The following RBFOX1 variants were observed in gnomAD, a reference collection of about 807,000 sequenced individuals.
RBFOX1 encodes RNA binding protein fox-1 homolog 1.
In RBFOX1, 8 loss-of-function variants were observed where a neutral mutation model predicts 57.7. The observed-to-expected ratio is 0.14, with a 90% CI of 0.08 to 0.25. RBFOX1 has a LOEUF of 0.25. RBFOX1 is among the 10% of genes least tolerant of loss of function. The pLI, the probability that RBFOX1 is intolerant of heterozygous loss-of-function variation, is 1.00. For missense variants in RBFOX1, 611 were observed against 548.5 expected, an observed-to-expected ratio of 1.11 and a Z score of -1.14; for synonymous variants, 326 against 222.4, an observed-to-expected ratio of 1.47 and a Z score of -4.15.
chr16:6,886,398 G>C (rs565164321), intron 3 of RBFOX1, among the ~76,000 whole-genome samples: 2 of 152,110 alleles, frequency 1.3e-5, no homozygotes, highest in Admixed American at 1.3e-4. Context: ...CCATTGAGAA[G>C]AAAGGTTACC....
intron 3 of RBFOX1, among the ~76,000 whole-genome samples, chr16:6,999,209 T>A (rs1309293300): frequency 3.1e-5 from 3 of 95,882 alleles, no homozygotes; most frequent in African/African-American, 4.5e-5. Context: ...ATTTTTTATT[T>A]TTATTTATTT....
chr16:5,797,490 C>G (rs2054917876), intron 3 of RBFOX1, among the ~76,000 whole-genome samples: 1 of 152,196 alleles, frequency 6.6e-6, no homozygotes, highest in Admixed American at 6.5e-5. Context: ...GACCCTTAGA[C>G]AGATGGCTCC....
chr16:6,266,282 C>G (rs1352864863), intron 1 of RBFOX1, among the ~76,000 whole-genome samples: 1 of 152,200 alleles, frequency 6.6e-6, no homozygotes, highest in Non-Finnish European at 1.5e-5. Flanking sequence ...CTGCTGCAAG[C>G]TACCAAAAGT....
At chr16:7,631,772 A>G (rs960939308) in intron 11 of RBFOX1, among the ~76,000 whole-genome samples, 1 of 152,120 alleles carries the variant, frequency 6.6e-6, no homozygotes, top group African/African-American at 2.4e-5. Flanking sequence ...CGTTTCCTAA[A>G]TTGTGAAGCT....
At chr16:5,765,705 G>A (rs1009140642) in intron 3 of RBFOX1, among the ~76,000 whole-genome samples, 1 of 152,184 alleles carries the variant, frequency 6.6e-6, no homozygotes, top group Non-Finnish European at 1.5e-5. Flanking sequence ...GAGAAAGGAC[G>A]CCTTGTGTTT....
chr16:5,481,635 C>T (rs547597742), intron 2 of RBFOX1, among the ~76,000 whole-genome samples: 1 of 152,208 alleles, frequency 6.6e-6, no homozygotes, highest in Non-Finnish European at 1.5e-5. Flanking sequence ...GCTTCACTTT[C>T]CCTAAAATGT....
intron 2 of RBFOX1, among the ~76,000 whole-genome samples, chr16:5,513,429 G>C (rs190025494): frequency 1.4e-4 from 22 of 152,252 alleles, no homozygotes; most frequent in African/African-American, 5.3e-4. Context: ...CCTTGGCCTT[G>C]ATCACCTGCC....
intron 4 of RBFOX1, among the ~76,000 whole-genome samples, chr16:7,333,779 C>T (rs1252039935): frequency 6.6e-6 from 1 of 151,628 alleles, no homozygotes; most frequent in Admixed American, 6.6e-5. Context: ...TTTTTTTTCC[C>T]CCTCATCATA....
chr16:6,102,708 G>T (rs987296661), intron 1 of RBFOX1, among the ~76,000 whole-genome samples: 1 of 151,992 alleles, frequency 6.6e-6, no homozygotes, highest in Non-Finnish European at 1.5e-5. Context: ...AATCATTTTC[G>T]CCTCGATTTC....
intron 2 of RBFOX1, among the ~76,000 whole-genome samples, chr16:6,572,176 G>T (rs546805018): frequency 6.6e-6 from 1 of 152,006 alleles, no homozygotes; most frequent in Non-Finnish European, 1.5e-5. Context: ...ATATCCCGTC[G>T]TGGAAGTATA....
intron 3 of RBFOX1, among the ~76,000 whole-genome samples, chr16:6,799,584 G>T (rs1485665217): frequency 6.6e-6 from 1 of 152,148 alleles, no homozygotes; most frequent in East Asian, 1.9e-4. Flanking sequence ...CTGAGGGAGC[G>T]GCCTGGGAGA....
intron 1 of RBFOX1, among the ~76,000 whole-genome samples, chr16:5,257,521 G>C (rs949522802): frequency 6.6e-6 from 1 of 152,160 alleles, no homozygotes; most frequent in Non-Finnish European, 1.5e-5. Context: ...AGATGAATAC[G>C]TTTGGACCCA....
At chr16:7,028,010 G>C (rs975562387) in intron 3 of RBFOX1, among the ~76,000 whole-genome samples, 1 of 151,810 alleles carries the variant, frequency 6.6e-6, no homozygotes, top group Non-Finnish European at 1.5e-5. Context: ...AGGGAAGAAG[G>C]AGAAGGAAAG....
chr16:6,106,023 G>T (rs1032807128), intron 1 of RBFOX1, among the ~76,000 whole-genome samples: 1 of 151,796 alleles, frequency 6.6e-6, no homozygotes, highest in Non-Finnish European at 1.5e-5. Flanking sequence ...CTAGTTAAAA[G>T]CTGAGATGAA....
intron 4 of RBFOX1, among the ~76,000 whole-genome samples, chr16:7,136,665 C>T (rs190222419): frequency 1.0e-3 from 154 of 152,244 alleles, no homozygotes; most frequent in African/African-American, 3.5e-3. Context: ...AATCCTCCTG[C>T]CTTGGCCTCC....
intron 3 of RBFOX1, among the ~76,000 whole-genome samples, chr16:6,928,693 C>T (rs1166129817): frequency 6.6e-6 from 1 of 152,126 alleles, no homozygotes; most frequent in Non-Finnish European, 1.5e-5. Context: ...ACTGTGAGGT[C>T]AGAGTGGTAA....
chr16:6,488,600 T>A (rs1276468607), intron 2 of RBFOX1, among the ~76,000 whole-genome samples: 1 of 152,184 alleles, frequency 6.6e-6, no homozygotes, highest in African/African-American at 2.4e-5. Flanking sequence ...TTTTTCTGAT[T>A]CCAATATGCT....
chr16:7,238,788 C>A (rs558016831), intron 4 of RBFOX1, among the ~76,000 whole-genome samples: 173 of 152,320 alleles, frequency 1.1e-3, no homozygotes, highest in African/African-American at 4.1e-3. Flanking sequence ...TCCTGTCCCT[C>A]CCCTGACCTC....
At chr16:6,262,394 G>T (rs766327644) in intron 1 of RBFOX1, among the ~76,000 whole-genome samples, 9 of 152,086 alleles carry the variant, frequency 5.9e-5, no homozygotes, top group Non-Finnish European at 1.2e-4. Context: ...TTATGGCGGT[G>T]GGGGGTGGTG....
Sources: gnomAD v4.1 joint callset for allele counts (sites outside exome capture counted in the v4.1 genomes callset) on GRCh38, gnomAD v4.1.1 for gene constraint, MANE v1.5 for transcripts, NCBI Gene and HGNC (gene_info 2026-07-23, HGNC 2026-07-21) for gene names.